The following FBXO4 variants were observed in gnomAD, a reference collection of about 807,000 sequenced individuals.
FBXO4 encodes the protein F-box only protein 4.
In FBXO4, 36 loss-of-function variants were observed where a neutral mutation model predicts 43.7. The observed-to-expected ratio is 0.82, with a 90% CI of 0.63 to 1.09. FBXO4 has a LOEUF of 1.09. Among genes scored for constraint, FBXO4 ranks in the 50% least tolerant of loss-of-function variants. The probability of loss-of-function intolerance (pLI) is 0.00; values close to 1 mark genes in which losing one functional copy is unlikely to be tolerated. For synonymous variants in FBXO4, 180 were observed against 165.6 expected (o/e 1.09, Z -0.67); for missense variants, 435 against 474.1 (o/e 0.92, Z 0.77).
chr5:41,935,169 C>T, intron 5 of FBXO4: 2 of 980,548 alleles, frequency 2.0e-6, no homozygotes, highest in South Asian at 4.7e-5. Flanking sequence ...ACAGATATAG[C>T]CCCTACTTTT....
the FBXO4 span, among the ~76,000 whole-genome samples, chr5:41,969,954 A>G: frequency 1.3e-5 from 2 of 151,824 alleles, no homozygotes; most frequent in Non-Finnish European, 3.0e-5. Flanking sequence ...GGTATAGCTG[A>G]GAATCAATAA....
chr5:42,006,712 G>C, the FBXO4 span, among the ~76,000 whole-genome samples: 3 of 151,178 alleles, frequency 2.0e-5, no homozygotes, highest in Non-Finnish European at 3.0e-5. Context: ...GGGCAAATTG[G>C]GTAGTAATAG....
At chr5:41,962,155 T>C in the FBXO4 span, among the ~76,000 whole-genome samples, 1 of 152,244 alleles carries the variant, frequency 6.6e-6, no homozygotes, top group African/African-American at 2.4e-5. Flanking sequence ...ATTTTGATTA[T>C]GTTTTGATAT....
chr5:41,988,091 G>A, the FBXO4 span, among the ~76,000 whole-genome samples: 52 of 152,206 alleles, frequency 3.4e-4, no homozygotes, highest in Non-Finnish European at 5.0e-4. Flanking sequence ...TGTAACACAC[G>A]GCTTTTAGTA....
In FBXO4 at chr5:41,928,338, C is replaced by CT. The variant is rs560942725; in HGVS notation, c.425+1104dup. ...CAACCCTGAGTTATTTCTTTCTTTTCTTTTTTTTTTTTTTGAGACGGAGTC... is the reference window on the plus strand; with the variant it reads ...CAACCCTGAGTTATTTCTTTCTTTTCTTTTTTTTTTTTTTTGAGACGGAGTC... On this transcript the variant is annotated intron_variant, in intron 2 of 6. Coordinates refer to ENST00000281623, the MANE Select transcript of FBXO4 (RefSeq NM_012176.3). 8.5e-3 allele frequency among the ~76,000 whole-genome samples: 1,201 copies of CT among 141,402 alleles called. 7 individuals carry two copies. The highest frequency in any genetic ancestry group is 0.02 in the African/African-American group (794 of 38,822). 92.8% of individuals were successfully genotyped at this position (141,402 alleles called of 152,430 possible).
the FBXO4 span, among the ~76,000 whole-genome samples, chr5:42,009,345 T>C: frequency 6.6e-6 from 1 of 151,350 alleles, no homozygotes; most frequent in Admixed American, 6.6e-5. Flanking sequence ...GTGAAACCTT[T>C]ACCTACTCTG....
At chr5:41,930,728 C>T (rs905317420) in intron 3 of FBXO4, among the ~76,000 whole-genome samples, 4 of 149,008 alleles carry the variant, frequency 2.7e-5, no homozygotes, top group Non-Finnish European at 5.9e-5. Flanking sequence ...AGTGCAGTGG[C>T]GCGATCTCGG....
the FBXO4 span, among the ~76,000 whole-genome samples, chr5:42,023,609 A>G: frequency 6.6e-6 from 1 of 151,988 alleles, no homozygotes; most frequent in African/African-American, 2.4e-5. Context: ...AGAAATATCC[A>G]TGGCCATTTT....
At chr5:41,930,734 C>T (rs529381257) in intron 3 of FBXO4, among the ~76,000 whole-genome samples, 2 of 149,796 alleles carry the variant, frequency 1.3e-5, no homozygotes, top group African/African-American at 4.9e-5. Flanking sequence ...GTGGCGCGAT[C>T]TCGGCTCACT....
At chr5:41,959,605 T>C in the FBXO4 span, among the ~76,000 whole-genome samples, 1 of 152,116 alleles carries the variant, frequency 6.6e-6, no homozygotes, top group Non-Finnish European at 1.5e-5. Context: ...CATGTGAAAA[T>C]TCAGTCTTTA....
the FBXO4 span, among the ~76,000 whole-genome samples, chr5:41,970,794 T>C: frequency 6.6e-6 from 1 of 151,956 alleles, no homozygotes; most frequent in Non-Finnish European, 1.5e-5. Flanking sequence ...TTTATTAAGC[T>C]TCTAACATAA....
At chr5:42,022,434 T>A in the FBXO4 span, among the ~76,000 whole-genome samples, 1 of 152,170 alleles carries the variant, frequency 6.6e-6, no homozygotes, top group Non-Finnish European at 1.5e-5. Flanking sequence ...TACATCATTC[T>A]GCTTGTATTA....
At chr5:41,942,648 C>A (rs2112591634), downstream of FBXO4, among the ~76,000 whole-genome samples, 1 of 152,070 alleles carries the variant, frequency 6.6e-6, no homozygotes, top group African/African-American at 2.4e-5. Context: ...GAGTCCCAAT[C>A]AAATCTTTTT....
the FBXO4 span, among the ~76,000 whole-genome samples, chr5:41,959,174 G>A: frequency 4.6e-5 from 7 of 152,044 alleles, no homozygotes; most frequent in Non-Finnish European, 1.0e-4. Context: ...ACACCCATTA[G>A]CCATCCGTAT....
the FBXO4 span, among the ~76,000 whole-genome samples, chr5:41,947,807 T>C: frequency 2.6e-5 from 4 of 152,122 alleles, no homozygotes; most frequent in African/African-American, 9.7e-5. Context: ...GTTTCTACAG[T>C]GTAATCATGG....
At chr5:41,983,282 T>C in the FBXO4 span, among the ~76,000 whole-genome samples, 1 of 152,216 alleles carries the variant, frequency 6.6e-6, no homozygotes, top group African/African-American at 2.4e-5. Context: ...GTCTATATGA[T>C]ACAAATTAAG....
At chr5:42,010,379 G>A in the FBXO4 span, among the ~76,000 whole-genome samples, 1 of 151,950 alleles carries the variant, frequency 6.6e-6, no homozygotes, top group African/African-American at 2.4e-5. Context: ...ATGGTAGCAC[G>A]TGCCTGTAAT....
At chr5:41,998,145 T>G in the FBXO4 span, among the ~76,000 whole-genome samples, 1 of 152,238 alleles carries the variant, frequency 6.6e-6, no homozygotes, top group Non-Finnish European at 1.5e-5. Flanking sequence ...GTGTCCATTA[T>G]GATAGCTATG....
chr5:41,962,417 A>AT, the FBXO4 span, among the ~76,000 whole-genome samples: 1 of 152,000 alleles, frequency 6.6e-6, no homozygotes, highest in Non-Finnish European at 1.5e-5. Context: ...TGCCTAGAGA[A>AT]TTTTGTTCAG....
Sources: gnomAD v4.1 joint callset for allele counts (sites outside exome capture counted in the v4.1 genomes callset) on GRCh38, gnomAD v4.1.1 for gene constraint, MANE v1.5 for transcripts, NCBI Gene and HGNC (gene_info 2026-07-23, HGNC 2026-07-21) for gene names.